The following GUCY1A2 variants were observed in gnomAD, a reference collection of about 807,000 sequenced individuals.
The protein encoded by GUCY1A2 is guanylate cyclase soluble subunit alpha-2.
A neutral mutation model predicts 63.5 loss-of-function variants in GUCY1A2; 27 were observed. The observed-to-expected ratio is 0.43, with a 90% CI of 0.31 to 0.59. The LOEUF (loss-of-function observed/expected upper bound fraction) is 0.59, where lower values mean the gene tolerates loss of function less well. Ranked by LOEUF, GUCY1A2 falls within the 20% of genes least tolerant of loss-of-function variation. The pLI is 0.11. For synonymous variants in GUCY1A2, 364 were observed against 343.5 expected (o/e 1.06, Z -0.66); for missense variants, 768 against 913.3 (o/e 0.84, Z 2.05).
chr11:106,842,934 G>A lies in GUCY1A2; in HGVS notation c.1207-32456C>T, dbSNP rs539636393. Among the ~76,000 whole-genome samples, 21 of 151,982 alleles carry A rather than the reference G, an allele frequency of 1.4e-4. No individual in the cohort carries two copies. The South Asian group carries it at 4.4e-3, about 32-fold the overall frequency. On this transcript the variant is annotated intron_variant, in intron 4 of 7. Transcript: ENST00000526355. ...TGCCATGTCAGTCTCATAAGGATGGGAATGGCTGAAAGGGTAGGACTCAAG... is the reference window on the plus strand; with the variant it reads ...TGCCATGTCAGTCTCATAAGGATGGAAATGGCTGAAAGGGTAGGACTCAAG...
At chr11:106,800,837 T>C (rs1864863588) in intron 5 of GUCY1A2, among the ~76,000 whole-genome samples, 1 of 151,642 alleles carries the variant, frequency 6.6e-6, no homozygotes. Flanking sequence ...TATATACATA[T>C]GTAACAAACC....
chr11:106,684,423 T>C lies in GUCY1A2; in HGVS notation c.*3126A>G. The stretch of plus-strand genomic sequence containing the variant: ...TAGACAAGAGATCCAACTACTATGT[T>C]TCTGAAGCATATTATTATTTTTTAT... On this transcript the variant is annotated 3_prime_UTR_variant, in exon 8 of 8. Transcript: ENST00000526355. 1 of 191,936 alleles carries C rather than the reference T, an allele frequency of 5.2e-6. No individual in the cohort carries two copies. Among genetic ancestry groups the C allele is most frequent in the Non-Finnish European group, 1.1e-5 (1 of 91,686 alleles). The allele number at this position is 191,936 out of a possible 1,614,324, so 11.9% of individuals were successfully genotyped here.
At chr11:106,920,361 A>C (rs748827947) in intron 4 of GUCY1A2, among the ~76,000 whole-genome samples, 1 of 152,170 alleles carries the variant, frequency 6.6e-6, no homozygotes, top group Non-Finnish European at 1.5e-5. Flanking sequence ...ACTTACATTT[A>C]TATTACATAT....
intron 4 of GUCY1A2, among the ~76,000 whole-genome samples, chr11:106,925,660 T>C (rs1443923255): frequency 6.6e-6 from 1 of 152,152 alleles, no homozygotes; most frequent in Non-Finnish European, 1.5e-5. Flanking sequence ...ATAAATAAGT[T>C]AACGGTTGGT....
At chr11:106,913,474 C>T (rs1310992747) in intron 4 of GUCY1A2, among the ~76,000 whole-genome samples, 1 of 152,068 alleles carries the variant, frequency 6.6e-6, no homozygotes, top group Non-Finnish European at 1.5e-5. Flanking sequence ...ACAGTGAGAA[C>T]TCACTCATCA....
At chr11:106,884,503 G>A (rs1591313697) in intron 4 of GUCY1A2, among the ~76,000 whole-genome samples, 1 of 152,088 alleles carries the variant, frequency 6.6e-6, no homozygotes, top group South Asian at 2.1e-4. Context: ...GTGTACAGAG[G>A]AAAGGAAGGG....
chr11:106,876,364 C>T (rs945001619), intron 4 of GUCY1A2, among the ~76,000 whole-genome samples: 4 of 151,878 alleles, frequency 2.6e-5, no homozygotes, highest in Admixed American at 2.6e-4. Context: ...AAAACAGATA[C>T]AATATAAAAT....
At chr11:106,804,014 C>T (rs1424910623) in intron 5 of GUCY1A2, among the ~76,000 whole-genome samples, 3 of 152,202 alleles carry the variant, frequency 2.0e-5, no homozygotes, top group Non-Finnish European at 2.9e-5. Context: ...CTGTGACTTT[C>T]ACCTTACTTC....
intron 6 of GUCY1A2, among the ~76,000 whole-genome samples, chr11:106,753,763 T>A (rs926324585): frequency 3.3e-5 from 5 of 152,222 alleles, no homozygotes; most frequent in African/African-American, 1.2e-4. Flanking sequence ...TGTAGCCTTG[T>A]AGTATAGTTT....
At chr11:106,734,152 T>C (rs2135373732) in intron 6 of GUCY1A2, among the ~76,000 whole-genome samples, 1 of 152,194 alleles carries the variant, frequency 6.6e-6, no homozygotes, top group South Asian at 2.1e-4. Flanking sequence ...CTTATCAGTA[T>C]CCTCAGAAAA....
rs565043113 is a variant in GUCY1A2 at position 106,983,233 on chromosome 11, A to T, written c.365+2837T>A. ...TGACGATAGTGGAGATGAAGAGAAG[A>T]TTTATCACATTGCATGAATAAATTA... On this transcript the variant is annotated intron_variant, in intron 2 of 7. Coordinates refer to ENST00000526355, the MANE Select transcript of GUCY1A2 (RefSeq NM_000855.3). Among the ~76,000 whole-genome samples, 3 of 152,332 alleles carry T rather than the reference A, an allele frequency of 2.0e-5. No individual in the cohort carries two copies. The East Asian group carries it at 5.8e-4, about 29-fold the overall frequency.
At chr11:106,751,038 A>G (rs1435970027) in intron 6 of GUCY1A2, among the ~76,000 whole-genome samples, 2 of 152,122 alleles carry the variant, frequency 1.3e-5, no homozygotes, top group African/African-American at 4.8e-5. Flanking sequence ...GTGCCACTGC[A>G]TATTAATTCA....
At chr11:106,879,469 C>T (rs1223013480) in intron 4 of GUCY1A2, among the ~76,000 whole-genome samples, 1 of 151,986 alleles carries the variant, frequency 6.6e-6, no homozygotes, top group Non-Finnish European at 1.5e-5. Flanking sequence ...TTGGGTGATT[C>T]AAAAATAACC....
intron 4 of GUCY1A2, among the ~76,000 whole-genome samples, chr11:106,938,523 TAA>T (rs1171376450): frequency 8.5e-5 from 13 of 152,246 alleles, no homozygotes; most frequent in Non-Finnish European, 1.9e-4. Flanking sequence ...CTAAATAGCC[TAA>T]AAGAACTTTA....
chr11:106,810,493 T>C lies in GUCY1A2; in HGVS notation c.1207-15A>G. 1 of 1,583,562 alleles carries C rather than the reference T, an allele frequency of 6.3e-7. No homozygotes were observed. Reference sequence around the variant, plus strand: ...ACTTCCATCACCTGTGAAATTAACATGGAATTTTGATCAGTACTCTTCACA... The same window carrying C: ...ACTTCCATCACCTGTGAAATTAACACGGAATTTTGATCAGTACTCTTCACA... On this transcript the variant is annotated splice_polypyrimidine_tract_variant and intron_variant, in intron 4 of 7. Coordinates refer to ENST00000526355, the MANE Select transcript of GUCY1A2 (RefSeq NM_000855.3).
At chr11:106,775,016 A>C (rs1159347750) in intron 6 of GUCY1A2, among the ~76,000 whole-genome samples, 3 of 152,138 alleles carry the variant, frequency 2.0e-5, no homozygotes, top group African/African-American at 7.2e-5. Flanking sequence ...CATCCCAGGT[A>C]TGTTTTTTCA....
intron 3 of GUCY1A2, among the ~76,000 whole-genome samples, chr11:106,977,348 A>T (rs1308677926): frequency 1.3e-5 from 2 of 152,108 alleles, no homozygotes; most frequent in African/African-American, 4.8e-5. Context: ...CAGTCATAAG[A>T]TTTACTTGGG....
rs187750492 is a variant in GUCY1A2, at chr11:106,995,969, A to C, written c.304-9838T>G. Among the ~76,000 whole-genome samples the C allele has an allele frequency of 5.5e-5, 7 of 126,164 alleles. No individual in the cohort carries two copies. The East Asian group carries it at 1.4e-3, about 25-fold the overall frequency. The allele number at this position is 126,164 out of a possible 152,430, so 82.8% of individuals were successfully genotyped here. A position where few individuals can be genotyped will look rare whatever the true frequency, so the allele number is the denominator to read the frequency against. ...CAGTACTTGGGAGTTTCAGTGGGGT[A>C]TTTCCCAAGAAGAGTCTGAGAATAA... On this transcript the variant is annotated intron_variant, in intron 1 of 7. Transcript: ENST00000526355.
intron 6 of GUCY1A2, among the ~76,000 whole-genome samples, chr11:106,749,135 T>G (rs558311006): frequency 6.6e-6 from 1 of 152,140 alleles, no homozygotes; most frequent in South Asian, 2.1e-4. Context: ...CGGTACAGGT[T>G]AAGTAGCCTA....
Sources: allele counts gnomAD v4.1 joint callset (sites outside exome capture counted in the v4.1 genomes callset), GRCh38; gene constraint gnomAD v4.1.1; transcripts MANE v1.5; gene names NCBI Gene and HGNC (gene_info 2026-07-23, HGNC 2026-07-21).